The following PPP1R9A variants were observed in gnomAD, a reference collection of about 807,000 sequenced individuals.
The protein encoded by PPP1R9A is protein phosphatase 1 regulatory subunit 9A, also known as neurabin-1.
Under a neutral mutation model 141.9 loss-of-function variants are expected in PPP1R9A, and 59 were observed. The observed-to-expected ratio is 0.42, with a 90% CI of 0.34 to 0.52. The LOEUF is 0.52. Among genes scored for constraint, PPP1R9A ranks in the 20% least tolerant of loss-of-function variants. PPP1R9A has a pLI of 0.10. For synonymous variants in PPP1R9A, 500 were observed against 569.7 expected, an observed-to-expected ratio of 0.88 and a Z score of 1.74; for missense variants, 1,444 against 1,611.9, an observed-to-expected ratio of 0.90 and a Z score of 1.78.
chr7:95,251,010 T>G (rs1283693615), intron 10 of PPP1R9A, among the ~76,000 whole-genome samples: 3 of 152,186 alleles, frequency 2.0e-5, no homozygotes, highest in Non-Finnish European at 2.9e-5. Flanking sequence ...CCTCAGAAGC[T>G]AAGCATATAT....
intron 2 of PPP1R9A, among the ~76,000 whole-genome samples, chr7:94,935,331 C>T (rs75707275): frequency 0.023 from 3,445 of 152,178 alleles, 123 homozygotes; most frequent in East Asian, 0.12. Context: ...CAGTCTAGAG[C>T]CAAATGATGA....
In PPP1R9A at chr7:95,158,110, T is replaced by G. The variant is rs114272062; in HGVS notation, c.1650-3757T>G. ...ATTAGCTAAGACAATGTAGCATTGA[T>G]GCAAGGATAAACAAAGAGATAAATA... On this transcript the variant is annotated intron_variant, in intron 4 of 19. Coordinates refer to ENST00000433360, the MANE Select transcript of PPP1R9A (RefSeq NM_001166160.2). 8.3e-3 allele frequency among the ~76,000 whole-genome samples: 1,261 copies of G among 152,278 alleles called. 11 individuals are homozygous for G. Among genetic ancestry groups the G allele is most frequent in the African/African-American group, 0.029 (1,209 of 41,548 alleles).
chr7:95,223,111 G>A (rs931711114), intron 7 of PPP1R9A, among the ~76,000 whole-genome samples: 1 of 151,906 alleles, frequency 6.6e-6, no homozygotes, highest in African/African-American at 2.4e-5. Flanking sequence ...AATCAAGACA[G>A]CAAAAGACAT....
chr7:95,064,545 A>C (rs1372536293), intron 2 of PPP1R9A, among the ~76,000 whole-genome samples: 1 of 152,226 alleles, frequency 6.6e-6, no homozygotes, highest in Non-Finnish European at 1.5e-5. Context: ...CTTACAGAAT[A>C]AGAGCTGAAA....
intron 16 of PPP1R9A, among the ~76,000 whole-genome samples, chr7:95,280,182 T>C (rs1803933656): frequency 6.6e-6 from 1 of 152,208 alleles, no homozygotes; most frequent in Non-Finnish European, 1.5e-5. Context: ...CCTTGGTGGA[T>C]GTTAGAACCT....
At chr7:95,169,161 GATTTTT>G (rs1273075924) in intron 5 of PPP1R9A, among the ~76,000 whole-genome samples, 1 of 151,894 alleles carries the variant, frequency 6.6e-6, no homozygotes, top group East Asian at 1.9e-4. Flanking sequence ...AGGATGAATG[GATTTTT>G]TTAAGTGGTA....
At chr7:94,909,457 A>G (rs957550235) in intron 1 of PPP1R9A, among the ~76,000 whole-genome samples, 1 of 152,144 alleles carries the variant, frequency 6.6e-6, no homozygotes, top group Non-Finnish European at 1.5e-5. Context: ...ACTTAATTGT[A>G]CTTAGAAAGA....
chr7:95,151,421 C>G (rs1472578746), intron 4 of PPP1R9A, among the ~76,000 whole-genome samples: 1 of 152,150 alleles, frequency 6.6e-6, no homozygotes, highest in African/African-American at 2.4e-5. Context: ...AAATGCAAAA[C>G]TATGGAGACA....
At chr7:95,208,072 T>C (rs1791224780) in intron 7 of PPP1R9A, among the ~76,000 whole-genome samples, 1 of 152,176 alleles carries the variant, frequency 6.6e-6, no homozygotes, top group Non-Finnish European at 1.5e-5. Context: ...TGCTAAAATA[T>C]ACATGAAAGG....
intron 2 of PPP1R9A, among the ~76,000 whole-genome samples, chr7:94,990,431 C>CT (rs1299047334): frequency 6.6e-6 from 1 of 151,602 alleles, no homozygotes; most frequent in South Asian, 2.1e-4. Flanking sequence ...TCTCATTTTT[C>CT]TTTTTTTTAA....
chr7:94,918,066 A>C (rs773959426), intron 2 of PPP1R9A, among the ~76,000 whole-genome samples: 12 of 151,744 alleles, frequency 7.9e-5, no homozygotes, highest in Non-Finnish European at 1.8e-4. Flanking sequence ...TTTACCTGAT[A>C]TTTTTCTTGA....
chr7:94,981,303 G>A (rs538295423), intron 2 of PPP1R9A, among the ~76,000 whole-genome samples: 3 of 152,076 alleles, frequency 2.0e-5, no homozygotes, highest in East Asian at 1.9e-4. Context: ...GCAAGATCTC[G>A]ATCTCGGCTC....
Position 95,225,964 on chromosome 7 carries a change from G to A in PPP1R9A, c.1960G>A (p.Gly654Arg), listed in dbSNP as rs1235089486. 1 of 1,602,256 alleles carries A rather than the reference G, an allele frequency of 6.2e-7. No homozygotes were observed. Among genetic ancestry groups the A allele is most frequent in the Admixed American group, 1.7e-5 (1 of 59,806 alleles). Reference protein sequence around the residue: ...NNNNNYFLKTGEYATDEEEDE... With the variant: ...NNNNNYFLKTREYATDEEEDE... Reference sequence around the variant, plus strand: ...TCTGAAATCCCCTTCCTTTCAGACAGGAGAATATGCCACAGATGAAGAAGA... The same window carrying A: ...TCTGAAATCCCCTTCCTTTCAGACAAGAGAATATGCCACAGATGAAGAAGA... The change falls in exon 8 of 20, where the codon GGA becomes AGA. Residue 654 changes from glycine (G) to arginine (R), a missense_variant. Transcript: ENST00000433360.
At chr7:95,286,360 C>A in intron 18 of PPP1R9A, 35 bp downstream of exon 18, 1 of 1,607,078 alleles carries the variant, frequency 6.2e-7, no homozygotes, top group South Asian at 1.1e-5. Flanking sequence ...GCTGCTTTGT[C>A]AAATCTGACG....
chr7:95,203,781 T>C (rs1790104111), intron 7 of PPP1R9A, 51 bp downstream of exon 7: 6 of 1,305,432 alleles, frequency 4.6e-6, no homozygotes, highest in Admixed American at 2.1e-5. Context: ...CTGCTTCATA[T>C]GTAAAATTAA....
intron 2 of PPP1R9A, among the ~76,000 whole-genome samples, chr7:95,080,230 C>T (rs1469630839): frequency 6.6e-6 from 1 of 152,196 alleles, no homozygotes; most frequent in African/African-American, 2.4e-5. Context: ...TGATAAGCAA[C>T]TTCAGCAAAG....
chr7:95,014,227 T>G (rs1021555682), intron 2 of PPP1R9A, among the ~76,000 whole-genome samples: 4 of 152,094 alleles, frequency 2.6e-5, no homozygotes, highest in African/African-American at 9.7e-5. Flanking sequence ...AGAAGTCTGA[T>G]TTAGAATCTG....
intron 5 of PPP1R9A, among the ~76,000 whole-genome samples, chr7:95,193,278 T>C (rs566928904): frequency 6.6e-6 from 1 of 152,238 alleles, no homozygotes; most frequent in Non-Finnish European, 1.5e-5. Flanking sequence ...TGAAGAGATA[T>C]ATGTACTTTA....
intron 2 of PPP1R9A, among the ~76,000 whole-genome samples, chr7:95,028,765 A>G (rs2151796365): frequency 6.6e-6 from 1 of 152,318 alleles, no homozygotes; most frequent in Middle Eastern, 3.4e-3. Context: ...CCATAGACAG[A>G]TGTTCCCTGG....
Sources: gnomAD v4.1 joint callset for allele counts (sites outside exome capture counted in the v4.1 genomes callset) on GRCh38, gnomAD v4.1.1 for gene constraint, MANE v1.5 for transcripts, NCBI Gene and HGNC (gene_info 2026-07-23, HGNC 2026-07-21) for gene names.